Variants in RBM47 observed in about 807,000 individuals in gnomAD.
RBM47 encodes RNA-binding protein 47.
A neutral mutation model predicts 47.1 loss-of-function variants in RBM47; 21 were observed. That is an observed-to-expected ratio of 0.45 (90% CI 0.32 to 0.64). The LOEUF (loss-of-function observed/expected upper bound fraction) is 0.64, where lower values mean the gene tolerates loss of function less well. Among genes scored for constraint, RBM47 ranks in the 30% least tolerant of loss-of-function variants. The probability of loss-of-function intolerance (pLI) is 0.05; values close to 1 mark genes in which losing one functional copy is unlikely to be tolerated. For synonymous variants in RBM47, 375 were observed against 361.7 expected (o/e 1.04, Z -0.42); for missense variants, 708 against 870.9 (o/e 0.81, Z 2.35).
At chr4:40,553,897 G>A (rs73809060) in intron 1 of RBM47, among the ~76,000 whole-genome samples, 4,548 of 152,228 alleles carry the variant, frequency 0.03, 255 homozygotes, top group African/African-American at 0.1. Context: ...AGTTCTTTGC[G>A]ATCAGAGACA....
chr4:40,601,711 G>A (rs143480728), intron 1 of RBM47, among the ~76,000 whole-genome samples: 1 of 152,160 alleles, frequency 6.6e-6, no homozygotes, highest in South Asian at 2.1e-4. Context: ...TATACTGTTT[G>A]CCACTCTTCC....
At chr4:40,629,173 G>A (rs1346093700) in intron 1 of RBM47, among the ~76,000 whole-genome samples, 6 of 152,104 alleles carry the variant, frequency 3.9e-5, no homozygotes, top group African/African-American at 9.7e-5. Flanking sequence ...CGATGGGACT[G>A]ACTGTATATG....
At position 40,438,064 on chromosome 4, in the gene RBM47, A is replaced by ATC; in HGVS notation, c.829_830insGA (p.Val277GlyfsTer23). On this transcript the variant is annotated frameshift_variant, in exon 4 of 7. Coordinates refer to ENST00000295971, the MANE Select transcript of RBM47 (RefSeq NM_001098634.2). LOFTEE classifies it high-confidence loss of function. ...GAAGGCGTAGTCGCGGATCTTCTTG[A>ATC]CGCGCTCCACGCAGCCGGGGTTGAA... The ATC allele has an allele frequency of 6.2e-7, 1 of 1,613,138 alleles. No individual in the cohort carries two copies. The highest frequency in any genetic ancestry group is 1.1e-5 in the South Asian group (1 of 91,056).
intron 1 of RBM47, among the ~76,000 whole-genome samples, chr4:40,576,072 T>C (rs748837698): frequency 1.5e-4 from 23 of 152,338 alleles, no homozygotes; most frequent in Admixed American, 3.9e-4. Context: ...GTTCCTTCCC[T>C]GCAGGCTCAC....
intron 2 of RBM47, 81 bp from the exon 3 acceptor site, chr4:40,466,780 G>GGA (rs1195265823): frequency 2.7e-5 from 3 of 109,112 alleles, no homozygotes; most frequent in African/African-American, 1.0e-4. Flanking sequence ...TTGGGGGGGG[G>GGA]GGGGCAGATC....
In RBM47 at chr4:40,423,400, G is replaced by A. The variant is rs1714616584; in HGVS notation, c.*2504C>T. On this transcript the variant is annotated 3_prime_UTR_variant, in exon 7 of 7. Coordinates refer to ENST00000295971, the MANE Select transcript of RBM47 (RefSeq NM_001098634.2). ...TAAAGTTAACTAAACCACTAGCAAT[G>A]TTTGAAAACAGAACTCTAAAACTTT... 1.3e-5 allele frequency: 2 copies of A among 151,276 alleles called. No individual in the cohort carries two copies. Among genetic ancestry groups the A allele is most frequent in the South Asian group, 2.1e-4 (1 of 4,800 alleles). 9.4% of individuals were successfully genotyped at this position (151,276 alleles called of 1,614,324 possible). A position where few individuals can be genotyped will look rare whatever the true frequency, so the allele number is the denominator to read the frequency against.
intron 1 of RBM47, among the ~76,000 whole-genome samples, chr4:40,590,373 C>A (rs1234054410): frequency 6.6e-6 from 1 of 151,654 alleles, no homozygotes; most frequent in East Asian, 1.9e-4. Context: ...CCAGCCTGGG[C>A]AACAGACTCT....
intron 2 of RBM47, among the ~76,000 whole-genome samples, chr4:40,509,619 C>T (rs1393085397): frequency 2.6e-5 from 4 of 152,128 alleles, no homozygotes; most frequent in South Asian, 2.1e-4. Flanking sequence ...CGGTGGCTTA[C>T]GCCTGTAATC....
In RBM47 at chr4:40,429,665, G is replaced by A. The variant is rs146501504; in HGVS notation, c.1542+2986C>T. On this transcript the variant is annotated intron_variant, in intron 6 of 6. Coordinates refer to ENST00000295971, the MANE Select transcript of RBM47 (RefSeq NM_001098634.2). ...GATCCCGCCACTGCACTCCAGCTTGGGTGACAAAGTGAGACTCCATCTCAA... is the reference window on the plus strand; with the variant it reads ...GATCCCGCCACTGCACTCCAGCTTGAGTGACAAAGTGAGACTCCATCTCAA... Among the ~76,000 whole-genome samples the A allele has an allele frequency of 9.1e-3, 1,186 of 129,902 alleles. 13 individuals are homozygous for A. The highest frequency in any genetic ancestry group is 0.015 in the Non-Finnish European group (991 of 64,644). 85.2% of individuals were successfully genotyped at this position (129,902 alleles called of 152,430 possible).
chr4:40,556,847 G>A (rs1005629012), intron 1 of RBM47, among the ~76,000 whole-genome samples: 16 of 152,004 alleles, frequency 1.1e-4, no homozygotes, highest in East Asian at 1.9e-4. Context: ...CTGAGTTTGC[G>A]CCACGGCACT....
chr4:40,623,064 G>A (rs377495686), intron 1 of RBM47, among the ~76,000 whole-genome samples: 2 of 152,332 alleles, frequency 1.3e-5, no homozygotes, highest in East Asian at 3.9e-4. Flanking sequence ...GGGTGTATGA[G>A]AACATGGGTG....
chr4:40,593,777 G>C (rs933376039), intron 1 of RBM47, among the ~76,000 whole-genome samples: 1 of 151,842 alleles, frequency 6.6e-6, no homozygotes, highest in Non-Finnish European at 1.5e-5. Flanking sequence ...CCAGCTACTC[G>C]GGAGGCTGAG....
rs766241894 is a variant in RBM47, at chr4:40,438,153, G to A, written c.741C>T (p.Ile247=). 3 of 1,612,216 alleles carry A rather than the reference G, an allele frequency of 1.9e-6. No homozygotes were observed. The highest frequency in any genetic ancestry group is 2.2e-5 in the South Asian group (2 of 91,086). Residue 247 remains isoleucine, a synonymous_variant, in exon 4 of 7, where the codon ATC becomes ATT. Coordinates refer to ENST00000295971, the MANE Select transcript of RBM47 (RefSeq NM_001098634.2). ...CGATCATGAGGTTGCGCACGTAGAGGATCTTCACGGTCTCCATCACGTCCT... is the reference window on the plus strand; with the variant it reads ...CGATCATGAGGTTGCGCACGTAGAGAATCTTCACGGTCTCCATCACGTCCT... The part of the protein sequence containing the change: ...VDEDVMETVK[I]LYVRNLMIET...
intron 3 of RBM47, among the ~76,000 whole-genome samples, chr4:40,464,350 A>G (rs1167654507): frequency 6.6e-6 from 1 of 152,212 alleles, no homozygotes; most frequent in African/African-American, 2.4e-5. Flanking sequence ...GTTTTTTCCT[A>G]TACATATTTA....
rs1372911799 is a variant in RBM47, at chr4:40,466,570, T to C, written c.-32+7A>G. ...GAAGGGAAAAGGACCAGAGGAAGTA[T>C]ACTCACCAAAACCACTAATTTGATT... is the stretch of plus-strand genomic sequence containing the variant. On this transcript the variant is annotated splice_region_variant and intron_variant, in intron 3 of 6. Coordinates refer to ENST00000295971, the MANE Select transcript of RBM47 (RefSeq NM_001098634.2). 6.6e-6 allele frequency: 1 copy of C among 152,080 alleles called. No homozygotes were observed. The highest frequency in any genetic ancestry group is 1.5e-5 in the Non-Finnish European group (1 of 68,020). 9.4% of individuals were successfully genotyped at this position (152,080 alleles called of 1,614,324 possible).
intron 2 of RBM47, among the ~76,000 whole-genome samples, chr4:40,538,146 T>G (rs1008961715): frequency 4.6e-5 from 7 of 152,132 alleles, no homozygotes; most frequent in African/African-American, 1.7e-4. Context: ...AAATTAACAC[T>G]GACGTCAAAT....
At chr4:40,468,900 C>T (rs910495186) in intron 2 of RBM47, among the ~76,000 whole-genome samples, 3 of 152,172 alleles carry the variant, frequency 2.0e-5, no homozygotes, top group African/African-American at 4.8e-5. Context: ...ATAAAAACTA[C>T]GAAAACGAAT....
chr4:40,548,793 A>G (rs555961317), intron 1 of RBM47, among the ~76,000 whole-genome samples: 81 of 152,162 alleles, frequency 5.3e-4, no homozygotes, highest in African/African-American at 1.9e-3. Context: ...CAGCCTCCCA[A>G]GTAGCTGGGA....
At chr4:40,615,132 AT>A (rs1341092279) in intron 1 of RBM47, among the ~76,000 whole-genome samples, 79 of 151,500 alleles carry the variant, frequency 5.2e-4, no homozygotes, top group African/African-American at 1.3e-3. Flanking sequence ...TCTCAAAAAA[AT>A]AATAATAATA....
Sources: gnomAD v4.1 joint callset for allele counts (sites outside exome capture counted in the v4.1 genomes callset) on GRCh38, gnomAD v4.1.1 for gene constraint, MANE v1.5 for transcripts, NCBI Gene and HGNC (gene_info 2026-07-23, HGNC 2026-07-21) for gene names.